The following PLSCR1 variants were observed in gnomAD, a reference collection of about 807,000 sequenced individuals.
The protein encoded by PLSCR1 is phospholipid scramblase 1.
Under a neutral mutation model 37.8 loss-of-function variants are expected in PLSCR1, and 17 were observed. The observed-to-expected ratio is 0.45, with a 90% CI of 0.31 to 0.68. The LOEUF is 0.68. PLSCR1 is among the 30% of genes least tolerant of loss of function. The pLI is 0.06. For synonymous variants in PLSCR1, 116 were observed against 125.9 expected, an observed-to-expected ratio of 0.92 and a Z score of 0.53; for missense variants, 347 against 380.9, an observed-to-expected ratio of 0.91 and a Z score of 0.74.
intron 3 of PLSCR1, among the ~76,000 whole-genome samples, chr3:146,530,956 G>A (rs2044189808): frequency 6.6e-6 from 1 of 152,206 alleles, no homozygotes; most frequent in Non-Finnish European, 1.5e-5. Context: ...TTTAATGAGA[G>A]AGACAACTTT....
rs1007292323 is a variant in PLSCR1 at position 146,515,782 on chromosome 3, A to G, written c.*263T>C. On this transcript the variant is annotated 3_prime_UTR_variant, in exon 9 of 9. Transcript: ENST00000342435. ...TAAAATGGACAATGAATCAGAGATC[A>G]TAATTCAAAGCAGTTTTTCAAAGGA... 3.1e-5 allele frequency: 9 copies of G among 292,804 alleles called. No homozygotes were observed. The highest frequency in any genetic ancestry group is 1.1e-4 in the African/African-American group (5 of 45,878). 18.1% of individuals were successfully genotyped at this position (292,804 alleles called of 1,614,324 possible). A position where few individuals can be genotyped will look rare whatever the true frequency, so the allele number is the denominator to read the frequency against.
intron 4 of PLSCR1, chr3:146,528,030 T>C (rs1371578003): frequency 1.3e-5 from 2 of 152,200 alleles, no homozygotes; most frequent in Non-Finnish European, 2.9e-5. Context: ...GTTTTATTAG[T>C]TACAATAAAA....
In PLSCR1 at chr3:146,515,948, C is replaced by A. The variant is rs2043939768; in HGVS notation, c.*97G>T. ...GAAAAGCAAAAGTATACAACCAGAG[C>A]TACAGGCCTTACAGCTTAATTCATA... On this transcript the variant is annotated 3_prime_UTR_variant, in exon 9 of 9. Transcript: ENST00000342435. The A allele has an allele frequency of 1.4e-6, 1 of 720,264 alleles. No homozygotes were observed. 44.6% of individuals were successfully genotyped at this position (720,264 alleles called of 1,614,324 possible).
intron 2 of PLSCR1, among the ~76,000 whole-genome samples, chr3:146,535,176 A>T (rs899976415): frequency 6.6e-6 from 1 of 151,814 alleles, no homozygotes; most frequent in African/African-American, 2.4e-5. Flanking sequence ...TGAAGTAAAG[A>T]TCTACCCTTG....
Position 146,521,854 on chromosome 3 carries a change from A to G in PLSCR1, c.555T>C (p.Cys185=), listed in dbSNP as rs1317371940. 1.3e-5 allele frequency: 21 copies of G among 1,613,090 alleles called. No homozygotes were observed. Among genetic ancestry groups the G allele is most frequent in the Non-Finnish European group, 1.8e-5 (21 of 1,179,076 alleles). ...AGACCTCCTGAAGGCAGCAGGGACAACAACAGCTGCTACATCTTAGTGGTC... is the reference window on the plus strand; with the variant it reads ...AGACCTCCTGAAGGCAGCAGGGACAGCAACAGCTGCTACATCTTAGTGGTC... The part of the protein sequence containing the change: ...LERPLRCSSC[C]CPCCLQEIEI... Residue 185 remains cysteine (C), a synonymous_variant, in exon 6 of 9, where the codon TGT becomes TGC. Coordinates refer to ENST00000342435, the MANE Select transcript of PLSCR1 (RefSeq NM_021105.3).
intron 7 of PLSCR1, among the ~76,000 whole-genome samples, chr3:146,517,786 C>T (rs140958374): frequency 6.6e-6 from 1 of 152,178 alleles, no homozygotes; most frequent in Non-Finnish European, 1.5e-5. Context: ...AAATGAGCTC[C>T]GAAGTAGAAG....
intron 1 of PLSCR1, among the ~76,000 whole-genome samples, chr3:146,538,816 T>C (rs2108671430): frequency 6.6e-6 from 1 of 152,268 alleles, no homozygotes; most frequent in Non-Finnish European, 1.5e-5. Context: ...ATTTTTGTCA[T>C]CATTTTAAAA....
chr3:146,533,431 A>T, intron 3 of PLSCR1, 39 bp downstream of exon 3: 2 of 1,136,836 alleles, frequency 1.8e-6, no homozygotes, highest in Non-Finnish European at 2.6e-6. Context: ...TCTGTCTCTC[A>T]ATTAATTTTA....
intron 4 of PLSCR1, among the ~76,000 whole-genome samples, chr3:146,526,155 C>G (rs2044106836): frequency 1.5e-5 from 2 of 133,038 alleles, no homozygotes; most frequent in African/African-American, 6.0e-5. Flanking sequence ...TGCACTCCAG[C>G]CTGGGCAACA....
At position 146,528,890 on chromosome 3, in the gene PLSCR1, T is replaced by C. The variant is rs2044157117; in HGVS notation, c.95-59A>G. 18 of 1,272,684 alleles carry C rather than the reference T, an allele frequency of 1.4e-5. No individual in the cohort carries two copies. The Middle Eastern group carries it at 8.5e-4, about 60-fold the overall frequency. The allele number at this position is 1,272,684 out of a possible 1,614,324, so 78.8% of individuals were successfully genotyped here. On this transcript the variant is annotated intron_variant, in intron 3 of 8. Transcript: ENST00000342435. ...GCACCAAAAATGGAATTGTCAACCT[T>C]TTTAGGGTTATGCCATCTATCTATA...
intron 3 of PLSCR1, among the ~76,000 whole-genome samples, chr3:146,531,722 T>C (rs893771794): frequency 1.3e-5 from 2 of 152,224 alleles, no homozygotes; most frequent in African/African-American, 2.4e-5. Flanking sequence ...TCTCATTTAC[T>C]CTACAAAGCA....
intron 1 of PLSCR1, among the ~76,000 whole-genome samples, 178 bp downstream of exon 1, chr3:146,544,289 C>T (rs2107828997): frequency 6.6e-6 from 1 of 152,298 alleles, no homozygotes; most frequent in Admixed American, 6.5e-5. Flanking sequence ...GCATTTCTGG[C>T]CCCAACCTTC....
chr3:146,531,842 G>C (rs1035631679), intron 3 of PLSCR1, among the ~76,000 whole-genome samples: 2 of 152,092 alleles, frequency 1.3e-5, no homozygotes, highest in Non-Finnish European at 2.9e-5. Flanking sequence ...GCAGAACCTG[G>C]TTTACCAGCA....
chr3:146,521,522 T>C, intron 7 of PLSCR1, 22 bp downstream of exon 7: 1 of 1,598,584 alleles, frequency 6.3e-7, no homozygotes, highest in East Asian at 2.2e-5. Context: ...GCAAATCTTA[T>C]AAACATTATG....
chr3:146,521,462 T>G, intron 7 of PLSCR1, 82 bp downstream of exon 7: 1 of 1,159,550 alleles, frequency 8.6e-7, no homozygotes, highest in South Asian at 1.4e-5. Context: ...AACACTTATT[T>G]AATGCATTTA....
At position 146,516,058 on chromosome 3, in the gene PLSCR1, G is replaced by A; in HGVS notation, c.944C>T (p.Ser315Leu). 2 of 1,607,600 alleles carry A rather than the reference G, an allele frequency of 1.2e-6. No individual in the cohort carries two copies. Among genetic ancestry groups the A allele is most frequent in the Admixed American group, 1.7e-5 (1 of 59,664 alleles). ...TTCACTAATCCACTACCACACTCCT[G>A]ATTTTTGTTCCTGGCTGCCAGTGCT... Reference protein sequence around the residue: ...FESTGSQEQKSGVW With the variant: ...FESTGSQEQKLGVW Residue 315 changes from serine to leucine, a missense_variant, in exon 9 of 9, where the codon TCA (serine) becomes TTA (leucine). Physicochemically the swap from Ser to Leu is moderately radical, Grantham distance 145 (BLOSUM62 -2). Transcript: ENST00000342435.
chr3:146,516,032 T>A lies in PLSCR1; in HGVS notation c.*13A>T. The A allele has an allele frequency of 6.3e-7, 1 of 1,575,334 alleles. No homozygotes were observed. The highest frequency in any genetic ancestry group is 8.7e-7 in the Non-Finnish European group (1 of 1,145,800). ...CAGACTTCAGATTTCCTGAGGAGAC[T>A]TTCACTAATCCACTACCACACTCCT... On this transcript the variant is annotated 3_prime_UTR_variant, in exon 9 of 9. Coordinates refer to ENST00000342435, the MANE Select transcript of PLSCR1 (RefSeq NM_021105.3).
chr3:146,539,988 T>C (rs1396057586), intron 1 of PLSCR1, among the ~76,000 whole-genome samples: 1 of 152,200 alleles, frequency 6.6e-6, no homozygotes, highest in African/African-American at 2.4e-5. Flanking sequence ...AATAAGTCTA[T>C]TCCCAGAAAT....
intron 1 of PLSCR1, among the ~76,000 whole-genome samples, chr3:146,542,576 C>T (rs2044351044): frequency 1.3e-5 from 2 of 152,196 alleles, no homozygotes; most frequent in Admixed American, 1.3e-4. Flanking sequence ...TACCAAGTCT[C>T]AGGTATTCTT....
Sources: gnomAD v4.1 joint callset for allele counts (sites outside exome capture counted in the v4.1 genomes callset) on GRCh38, gnomAD v4.1.1 for gene constraint, MANE v1.5 for transcripts, NCBI Gene and HGNC (gene_info 2026-07-23, HGNC 2026-07-21) for gene names.